CLEC18A: variants seen among roughly 807,000 people sequenced by gnomAD.
The protein encoded by CLEC18A is C-type lectin domain family 18 member A, also known as mannose receptor-like 1.
Under a neutral mutation model 24.0 loss-of-function variants are expected in CLEC18A, and 5 were observed. The ratio of observed to expected loss-of-function variants is 0.21; its 90% CI spans 0.11 to 0.44. The LOEUF (loss-of-function observed/expected upper bound fraction) is 0.44, where lower values mean the gene tolerates loss of function less well. Among genes scored for constraint, CLEC18A ranks in the 20% least tolerant of loss-of-function variants. The pLI, the probability that CLEC18A is intolerant of heterozygous loss-of-function variation, is 0.99. For synonymous variants in CLEC18A, 29 were observed against 100.1 expected, an observed-to-expected ratio of 0.29 and a Z score of 4.24; for missense variants, 83 against 233.4, an observed-to-expected ratio of 0.36 and a Z score of 4.20.
At chr16:69,946,818 T>G (rs1394658653), upstream of CLEC18A, among the ~76,000 whole-genome samples, 66 of 35,730 alleles carry the variant, frequency 1.8e-3, no homozygotes, top group South Asian at 5.5e-3. Flanking sequence ...TCTAGTAGGG[T>G]TTTTTTTTTT....
chr16:69,955,351 GTATT>G (rs1344702684), intron 3 of CLEC18A, among the ~76,000 whole-genome samples: 3 of 149,754 alleles, frequency 2.0e-5, no homozygotes, highest in Non-Finnish European at 3.0e-5. Context: ...AAACATAAAC[GTATT>G]TATTTATTTA....
the CLEC18A span, among the ~76,000 whole-genome samples, chr16:69,943,852 G>A: frequency 4.9e-5 from 7 of 143,002 alleles, no homozygotes; most frequent in Non-Finnish European, 9.3e-5. Context: ...GTCCCACTCC[G>A]CAGCTGTGCT....
At chr16:69,944,789 T>C in the CLEC18A span, among the ~76,000 whole-genome samples, 1,980 of 105,694 alleles carry the variant, frequency 0.019, 621 homozygotes, top group African/African-American at 0.086. Flanking sequence ...TGAGCTGAGA[T>C]GGCGCCACTG....
At chr16:69,953,125 C>G (rs1178296431) in intron 2 of CLEC18A, 1 of 152,440 alleles carries the variant, frequency 6.6e-6, no homozygotes, top group African/African-American at 2.4e-5. Context: ...ACTTCATTTC[C>G]GTAAAGGTGC....
chr16:69,956,374 G>T (rs1305693636), intron 3 of CLEC18A, among the ~76,000 whole-genome samples: 15 of 55,900 alleles, frequency 2.7e-4, no homozygotes, highest in Admixed American at 6.9e-4. Context: ...TTTTTTTTTT[G>T]AGACGGAGTC....
chr16:69,945,208 T>C, the CLEC18A span, among the ~76,000 whole-genome samples: 3 of 148,754 alleles, frequency 2.0e-5, no homozygotes, highest in South Asian at 4.2e-4. Flanking sequence ...GAGGATGGCT[T>C]GAGCCCAGGA....
chr16:69,950,676 T>G (rs2058934448), upstream of CLEC18A: 3 of 79,850 alleles, frequency 3.8e-5, no homozygotes, highest in South Asian at 6.6e-4. Context: ...GCACCGGGGC[T>G]GGGCCCAGCC....
At chr16:69,946,437 G>C (rs866996143), upstream of CLEC18A, among the ~76,000 whole-genome samples, 3 of 118,882 alleles carry the variant, frequency 2.5e-5, no homozygotes, top group Non-Finnish European at 4.9e-5. Flanking sequence ...TCACTCTGTC[G>C]CCTAGTCTGG....
chr16:69,966,427 C>T (rs565669691), downstream of CLEC18A, among the ~76,000 whole-genome samples: 4 of 132,934 alleles, frequency 3.0e-5, no homozygotes, highest in South Asian at 2.4e-4. Context: ...AAAGAAGCCG[C>T]GGCCAAAACC....
intron 3 of CLEC18A, among the ~76,000 whole-genome samples, chr16:69,956,030 G>C (rs1239186837): frequency 3.3e-5 from 5 of 152,098 alleles, no homozygotes; most frequent in East Asian, 1.9e-4. Flanking sequence ...AGGATTGCCT[G>C]AGCCCGGGAG....
At chr16:69,946,025 G>A (rs1213686381), upstream of CLEC18A, among the ~76,000 whole-genome samples, 3 of 143,984 alleles carry the variant, frequency 2.1e-5, no homozygotes, top group African/African-American at 5.2e-5. Flanking sequence ...CCGAAGGGGT[G>A]GAAGTTGCAG....
downstream of CLEC18A, among the ~76,000 whole-genome samples, chr16:69,965,642 C>G (rs1959366410): frequency 1.4e-5 from 2 of 147,946 alleles, no homozygotes; most frequent in Admixed American, 6.7e-5. Context: ...GCGGGACGAC[C>G]TGCTCCCGAG....
intron 3 of CLEC18A, among the ~76,000 whole-genome samples, chr16:69,955,246 G>C (rs1354036319): frequency 2.1e-5 from 3 of 145,240 alleles, no homozygotes; most frequent in Non-Finnish European, 4.5e-5. Flanking sequence ...CAAATGATCT[G>C]CCTGCCTCAG....
At chr16:69,950,462 G>A (rs2058932173), upstream of CLEC18A, among the ~76,000 whole-genome samples, 1 of 116,504 alleles carries the variant, frequency 8.6e-6, no homozygotes, top group African/African-American at 2.6e-5. Flanking sequence ...TCACTCTGGT[G>A]GGATCACGCC....
chr16:69,966,422 A>T (rs1959394338), downstream of CLEC18A, among the ~76,000 whole-genome samples: 2 of 132,510 alleles, frequency 1.5e-5, no homozygotes, highest in African/African-American at 5.2e-5. Context: ...GCAGTAAAGA[A>T]GCCGCGGCCA....
At chr16:69,948,383 G>A (rs3927169), upstream of CLEC18A, among the ~76,000 whole-genome samples, 1 of 96,340 alleles carries the variant, frequency 1.0e-5, no homozygotes, top group Non-Finnish European at 2.2e-5. Flanking sequence ...TGTTTTTTTT[G>A]TTTGTTTGTT....
At chr16:69,946,230 GGCCACTGCACTCCA>G (rs1343501982), upstream of CLEC18A, among the ~76,000 whole-genome samples, 2 of 127,084 alleles carry the variant, frequency 1.6e-5, no homozygotes, top group Non-Finnish European at 3.5e-5. Context: ...GAAGAGATCA[GGCCACTGCACTCCA>G]GCCTGGACGA....
intron 11 of CLEC18A, among the ~76,000 whole-genome samples, 176 bp downstream of exon 11, chr16:69,963,243 C>T (rs3972119): frequency 8.3e-3 from 1,224 of 147,664 alleles, no homozygotes; most frequent in Middle Eastern, 0.021. Context: ...CCCAGAGGGG[C>T]AACGACGGGC....
chr16:69,944,623 A>C, the CLEC18A span, among the ~76,000 whole-genome samples: 2 of 151,608 alleles, frequency 1.3e-5, no homozygotes, highest in African/African-American at 4.9e-5. Flanking sequence ...GTGGATCACA[A>C]GGTCAGATCA....
Sources: gnomAD v4.1 joint callset for allele counts (sites outside exome capture counted in the v4.1 genomes callset) on GRCh38, gnomAD v4.1.1 for gene constraint, MANE v1.5 for transcripts, NCBI Gene and HGNC (gene_info 2026-07-23, HGNC 2026-07-21) for gene names.